Variants in ARHGEF10L observed in about 807,000 individuals in gnomAD.
ARHGEF10L encodes the protein rho guanine nucleotide exchange factor 10-like protein.
ARHGEF10L carries 69 observed loss-of-function variants against 141.2 expected under a neutral mutation model. The observed-to-expected ratio is 0.49, with a 90% confidence interval of 0.40 to 0.60. ARHGEF10L has a LOEUF of 0.60. ARHGEF10L is among the 20% of genes least tolerant of loss of function. The pLI is 0.00. For synonymous variants in ARHGEF10L, 711 were observed against 718.5 expected, an observed-to-expected ratio of 0.99 and a Z score of 0.17; for missense variants, 1,482 against 1,734.3, an observed-to-expected ratio of 0.85 and a Z score of 2.58.
At chr1:17,636,435 A>C (rs879371640) in intron 18 of ARHGEF10L, among the ~76,000 whole-genome samples, 1 of 152,250 alleles carries the variant, frequency 6.6e-6, no homozygotes, top group Admixed American at 6.5e-5. Context: ...CTACAAAACC[A>C]TAACATTCAA....
chr1:17,573,197 G>T lies in ARHGEF10L; in HGVS notation c.-43-7356G>T, dbSNP rs1345866197. ...TCCCTGTGTCTAAAAAGGAGGTGAG[G>T]AAACCCACCTCTCAGGCTGCCTGCA... On this transcript the variant is annotated intron_variant, in intron 1 of 28. Transcript: ENST00000361221. The surrounding 1 kb of genome is among the most constrained non-coding windows in gnomAD (Gnocchi z 4.8). Among the ~76,000 whole-genome samples the T allele has an allele frequency of 2.0e-5, 3 of 152,168 alleles. No homozygotes were observed. Among genetic ancestry groups the T allele is most frequent in the African/African-American group, 7.2e-5 (3 of 41,440 alleles).
In ARHGEF10L at chr1:17,558,539, C is replaced by A. The variant is rs2077429866; in HGVS notation, c.-44+18589C>A. On this transcript the variant is annotated intron_variant, in intron 1 of 28. Coordinates refer to ENST00000361221, the MANE Select transcript of ARHGEF10L (RefSeq NM_018125.4). The surrounding 1 kb of genome is among the most constrained non-coding windows in gnomAD (Gnocchi z 4.2). ...ACTGCTCTGATGCCAGCTGCATGTG[C>A]TAAGCAAAGTGTATTTGGGAGTGGC... Among the ~76,000 whole-genome samples the A allele has an allele frequency of 6.6e-6, 1 of 152,236 alleles. No homozygotes were observed. The highest frequency in any genetic ancestry group is 6.5e-5 in the Admixed American group (1 of 15,286).
At chr1:17,597,147 G>T (rs1008483018) in intron 4 of ARHGEF10L, among the ~76,000 whole-genome samples, 4 of 152,094 alleles carry the variant, frequency 2.6e-5, no homozygotes, top group African/African-American at 9.7e-5. Flanking sequence ...CCCATCTCCT[G>T]CCCCTCACCA....
At chr1:17,592,073 C>T (rs1260993103) in intron 4 of ARHGEF10L, among the ~76,000 whole-genome samples, 1 of 152,144 alleles carries the variant, frequency 6.6e-6, no homozygotes, top group Non-Finnish European at 1.5e-5. Flanking sequence ...CACGTGCACT[C>T]ATGTCCACCC....
intron 4 of ARHGEF10L, among the ~76,000 whole-genome samples, chr1:17,601,833 G>T (rs755935007): frequency 7.9e-5 from 12 of 152,168 alleles, no homozygotes; most frequent in Non-Finnish European, 1.2e-4. Flanking sequence ...GGTTCCCTTT[G>T]AGTCTGCACT....
At chr1:17,655,588 G>A (rs1298939852) in intron 23 of ARHGEF10L, among the ~76,000 whole-genome samples, 2 of 152,236 alleles carry the variant, frequency 1.3e-5, no homozygotes, top group African/African-American at 4.8e-5. Flanking sequence ...AAGGGATGGA[G>A]TAGATGTTTA....
chr1:17,612,346 C>G lies in ARHGEF10L; in HGVS notation c.610-712C>G, dbSNP rs112274374. Reference sequence around the variant, plus strand: ...CTACCGTCCATCCATCCTCTTATTCCTTCATCTGACTGTCTCTTCATCCAT... The same window carrying G: ...CTACCGTCCATCCATCCTCTTATTCGTTCATCTGACTGTCTCTTCATCCAT... On this transcript the variant is annotated intron_variant, in intron 7 of 28. Coordinates refer to ENST00000361221, the MANE Select transcript of ARHGEF10L (RefSeq NM_018125.4). Among the ~76,000 whole-genome samples the G allele has an allele frequency of 2.9e-3, 448 of 152,310 alleles. 4 individuals are homozygous for G. Among genetic ancestry groups the G allele is most frequent in the African/African-American group, 0.01 (428 of 41,558 alleles).
chr1:17,602,657 G>A (rs1377773757), intron 5 of ARHGEF10L, among the ~76,000 whole-genome samples: 3 of 152,106 alleles, frequency 2.0e-5, no homozygotes, highest in Non-Finnish European at 4.4e-5. Flanking sequence ...CCTGACTCCC[G>A]GGAAGCAGCA....
At chr1:17,586,951 C>T (rs2079071823) in intron 2 of ARHGEF10L, among the ~76,000 whole-genome samples, 1 of 152,142 alleles carries the variant, frequency 6.6e-6, no homozygotes, top group Non-Finnish European at 1.5e-5. Flanking sequence ...TGCCCTAGTA[C>T]CTGCAAGCTG....
chr1:17,595,267 G>A (rs1370520808), intron 4 of ARHGEF10L, among the ~76,000 whole-genome samples: 2 of 133,598 alleles, frequency 1.5e-5, no homozygotes, highest in East Asian at 2.2e-4. Context: ...CATATCATGA[G>A]CATTTCCCCA....
intron 19 of ARHGEF10L, 55 bp from the exon 20 acceptor site, chr1:17,638,507 G>A: frequency 6.2e-7 from 1 of 1,609,894 alleles, no homozygotes; most frequent in Non-Finnish European, 8.5e-7. Flanking sequence ...ATCTGGTGTG[G>A]CTTTTGGGGA....
Position 17,623,199 on chromosome 1 carries a change from C to T in ARHGEF10L, c.1200+24C>T. ...CGGTAAGTGTCCCCAAACTTTTTCC[C>T]CAGCCCACCAAGGTAAAACCACAAC... On this transcript the variant is annotated intron_variant, in intron 12 of 28. Coordinates refer to ENST00000361221, the MANE Select transcript of ARHGEF10L (RefSeq NM_018125.4). This position sits in a 1 kb window ranked among gnomAD's most constrained non-coding sequence, Gnocchi z 4.7. 6.2e-7 allele frequency: 1 copy of T among 1,606,696 alleles called. No homozygotes were observed. The highest frequency in any genetic ancestry group is 1.1e-5 in the South Asian group (1 of 90,532).
chr1:17,685,878 A>G (rs1216913482), intron 26 of ARHGEF10L, among the ~76,000 whole-genome samples: 1 of 152,194 alleles, frequency 6.6e-6, no homozygotes, highest in Non-Finnish European at 1.5e-5. Context: ...GATCTCAAAT[A>G]AATGCCCCGT....
chr1:17,546,860 G>A (rs2076935473), intron 1 of ARHGEF10L, among the ~76,000 whole-genome samples: 1 of 152,168 alleles, frequency 6.6e-6, no homozygotes, highest in Non-Finnish European at 1.5e-5. Context: ...TTGCAGAGTG[G>A]CAGGCACCTT....
chr1:17,612,500 G>A lies in ARHGEF10L; in HGVS notation c.610-558G>A, dbSNP rs533904511. Among the ~76,000 whole-genome samples, 9 of 152,210 alleles carry A rather than the reference G, an allele frequency of 5.9e-5. No individual in the cohort carries two copies. In the South Asian group the frequency reaches 1.9e-3, roughly 32 times the overall value. On this transcript the variant is annotated intron_variant, in intron 7 of 28. Transcript: ENST00000361221. ...CATCCATCCATCCCTCTATGAGCCT[G>A]TTCGTCTACCCATCCACCTGCCTGT... is the stretch of plus-strand genomic sequence containing the variant.
the ARHGEF10L span, among the ~76,000 whole-genome samples, chr1:17,514,528 C>T: frequency 1.3e-5 from 2 of 152,124 alleles, no homozygotes; most frequent in African/African-American, 4.8e-5. Context: ...TGCTGGGATC[C>T]ATCCTTGGGA....
At chr1:17,551,675 G>A (rs1367668360) in intron 1 of ARHGEF10L, among the ~76,000 whole-genome samples, 3 of 152,130 alleles carry the variant, frequency 2.0e-5, no homozygotes, top group African/African-American at 4.8e-5. Context: ...AAAGGCTCTC[G>A]ATTCCTAGGT....
chr1:17,683,619 G>A (rs1266630335), intron 26 of ARHGEF10L, among the ~76,000 whole-genome samples: 4 of 111,986 alleles, frequency 3.6e-5, no homozygotes, highest in Non-Finnish European at 6.3e-5. Context: ...GACATGCCAG[G>A]CTGGGGCTGG....
chr1:17,691,169 T>C, intron 27 of ARHGEF10L: 4 of 455,682 alleles, frequency 8.8e-6, no homozygotes, highest in South Asian at 3.1e-5. Context: ...TTTAAAGTTG[T>C]ATATCTCCAG....
Sources: gnomAD v4.1 joint callset for allele counts (sites outside exome capture counted in the v4.1 genomes callset) on GRCh38, gnomAD v4.1.1 for gene constraint, Gnocchi (gnomAD v3.1) non-coding constraint, MANE v1.5 for transcripts, NCBI Gene and HGNC (gene_info 2026-07-23, HGNC 2026-07-21) for gene names.